Variants in ATG4A observed in about 807,000 individuals in gnomAD.
ATG4A encodes the protein cysteine protease ATG4A.
A neutral mutation model predicts 38.4 loss-of-function variants in ATG4A; 22 were observed. The ratio of observed to expected loss-of-function variants is 0.57; its 90% confidence interval spans 0.41 to 0.82. The LOEUF (loss-of-function observed/expected upper bound fraction) is 0.82. Ranked by LOEUF, ATG4A falls within the 40% of genes least tolerant of loss-of-function variation. ATG4A has a pLI of 0.00. For missense variants in ATG4A, 220 were observed against 290.0 expected, an observed-to-expected ratio of 0.76 and a Z score of 1.75; for synonymous variants, 86 against 100.7, an observed-to-expected ratio of 0.85 and a Z score of 0.88.
chrX:108,123,450 C>T (rs2032711738), intron 1 of ATG4A, among the ~76,000 whole-genome samples: 1 of 112,321 alleles, frequency 8.9e-6, no homozygotes, highest in Non-Finnish European at 1.9e-5. Context: ...TCCCAGATTG[C>T]TTTTTCATAT....
chrX:108,091,800 G>A lies in ATG4A; in HGVS notation c.-27G>A. 1 of 1,211,665 alleles carries A rather than the reference G, an allele frequency of 8.3e-7. No homozygotes were observed. Among genetic ancestry groups the A allele is most frequent in the Non-Finnish European group, 1.1e-6 (1 of 895,289 alleles). ...TCCGTCCGTAGTCAAGTTGCCGGTG[G>A]AATTGGCCCAGGATGACAGCTGGAG... On this transcript the variant is annotated 5_prime_UTR_variant, in exon 1 of 13. Coordinates refer to ENST00000372232, the MANE Select transcript of ATG4A (RefSeq NM_052936.5).
Position 108,109,204 on chromosome X carries a change from G to T in ATG4A, c.11-16873G>T, listed in dbSNP as rs185220694. ...CTATAGTCATCCTAATGGGTGTGAG[G>T]TGAAATCTGATTATGGTTTTGATTT... On this transcript the variant is annotated intron_variant, in intron 1 of 12. Coordinates refer to ENST00000372232, the MANE Select transcript of ATG4A (RefSeq NM_052936.5). 9.8e-5 allele frequency among the ~76,000 whole-genome samples: 11 copies of T among 112,102 alleles called. No individual in the cohort carries two copies. The East Asian group carries it at 3.1e-3, about 31-fold the overall frequency.
chrX:108,142,764 G>A (rs2033335763), intron 9 of ATG4A, among the ~76,000 whole-genome samples: 1 of 110,968 alleles, frequency 9.0e-6, no homozygotes, highest in Non-Finnish European at 1.9e-5. Flanking sequence ...GTTAGATTGT[G>A]CCCACCTGAT....
chrX:108,125,151 T>G (rs2032765262), intron 1 of ATG4A, among the ~76,000 whole-genome samples: 1 of 110,783 alleles, frequency 9.0e-6, no homozygotes, highest in African/African-American at 3.3e-5. Context: ...TCTCAGAAAA[T>G]TATTATTATT....
chrX:108,112,064 G>A (rs2032370132), intron 1 of ATG4A, among the ~76,000 whole-genome samples: 1 of 111,681 alleles, frequency 9.0e-6, no homozygotes, highest in Non-Finnish European at 1.9e-5. Flanking sequence ...GAGATATTTT[G>A]ATATAGGCAC....
chrX:108,104,544 G>A (rs1447066161), intron 1 of ATG4A, among the ~76,000 whole-genome samples: 1 of 110,695 alleles, frequency 9.0e-6, no homozygotes, highest in Non-Finnish European at 1.9e-5. Flanking sequence ...TACATGATAA[G>A]CTGCTTTTCT....
intron 1 of ATG4A, among the ~76,000 whole-genome samples, chrX:108,114,539 C>T (rs762691825): frequency 1.8e-5 from 2 of 112,196 alleles, no homozygotes; most frequent in East Asian, 5.6e-4. Context: ...TAAACTTAGG[C>T]ACATTAAAAT....
At chrX:108,131,528 A>G (rs903367068) in intron 4 of ATG4A, among the ~76,000 whole-genome samples, 170 bp downstream of exon 4, 1 of 112,306 alleles carries the variant, frequency 8.9e-6, no homozygotes, top group Non-Finnish European at 1.9e-5. Context: ...AAAGCCCCTC[A>G]TAAGAAGGAA....
chrX:108,151,871 G>A lies in ATG4A; in HGVS notation c.1017+13G>A. 8.5e-7 allele frequency: 1 copy of A among 1,170,809 alleles called. No individual in the cohort carries two copies. The highest frequency in any genetic ancestry group is 1.2e-6 in the Non-Finnish European group (1 of 867,886). On this transcript the variant is annotated intron_variant, in intron 11 of 12. Coordinates refer to ENST00000372232, the MANE Select transcript of ATG4A (RefSeq NM_052936.5). ...CCTTGTTCAGAAGGTAAAGCTATAT[G>A]TTTTTCTTAGTCTGAAAAATGAAGT... is the stretch of plus-strand genomic sequence containing the variant.
chrX:108,130,280 G>GT (rs1460155376), intron 3 of ATG4A, among the ~76,000 whole-genome samples: 1 of 111,074 alleles, frequency 9.0e-6, no homozygotes, highest in Non-Finnish European at 1.9e-5. Flanking sequence ...CTGAGATCAT[G>GT]TTTAGCATAT....
At chrX:108,122,726 C>A (rs995254471) in intron 1 of ATG4A, among the ~76,000 whole-genome samples, 11 of 112,137 alleles carry the variant, frequency 9.8e-5, no homozygotes, top group Non-Finnish European at 2.1e-4. Context: ...CAGGGCCTTT[C>A]TTTTGGAAAA....
At chrX:108,098,908 T>C (rs891236483) in intron 1 of ATG4A, among the ~76,000 whole-genome samples, 3 of 111,753 alleles carry the variant, frequency 2.7e-5, no homozygotes, top group African/African-American at 9.7e-5. Context: ...CATTTTTAAA[T>C]GTCCAGTTTT....
intron 1 of ATG4A, among the ~76,000 whole-genome samples, chrX:108,115,761 GGA>G (rs2032490251): frequency 8.9e-6 from 1 of 111,986 alleles, no homozygotes; most frequent in Non-Finnish European, 1.9e-5. Context: ...TATAAATCTA[GGA>G]GTAGACTCAC....
chrX:108,123,797 A>G (rs1225064426), intron 1 of ATG4A, among the ~76,000 whole-genome samples: 1 of 111,852 alleles, frequency 8.9e-6, no homozygotes, highest in Non-Finnish European at 1.9e-5. Flanking sequence ...CAAGCTTTAA[A>G]GGGCTTTACT....
At chrX:108,128,600 T>C (rs956596860) in intron 2 of ATG4A, among the ~76,000 whole-genome samples, 181 bp from the exon 3 acceptor site, 5 of 111,811 alleles carry the variant, frequency 4.5e-5, no homozygotes, top group Non-Finnish European at 9.4e-5. Context: ...GGTCAAACTA[T>C]AGGTTGGGAG....
intron 4 of ATG4A, among the ~76,000 whole-genome samples, chrX:108,131,968 C>T (rs1233914243): frequency 9.1e-6 from 1 of 110,410 alleles, no homozygotes; most frequent in African/African-American, 3.3e-5. Context: ...GGTGCGATCT[C>T]GGCTCACTGC....
At chrX:108,127,220 C>T (rs1201452563) in intron 2 of ATG4A, 1 of 112,830 alleles carries the variant, frequency 8.9e-6, no homozygotes, top group African/African-American at 3.3e-5. Flanking sequence ...CAAATCTACT[C>T]GTATTCAAAT....
intron 2 of ATG4A, 78 bp from the exon 3 acceptor site, chrX:108,128,701 TAA>T: frequency 1.6e-6 from 1 of 616,039 alleles, no homozygotes; most frequent in Admixed American, 3.8e-5. Flanking sequence ...TATTTGAAAT[TAA>T]GTTAGTAGCT....
intron 9 of ATG4A, among the ~76,000 whole-genome samples, chrX:108,143,037 G>C (rs1041544299): frequency 9.0e-6 from 1 of 111,724 alleles, no homozygotes; most frequent in African/African-American, 3.3e-5. Context: ...AACTGGAAAC[G>C]CACCAATCCC....
Sources: gnomAD v4.1 joint callset for allele counts (sites outside exome capture counted in the v4.1 genomes callset) on GRCh38, gnomAD v4.1.1 for gene constraint, MANE v1.5 for transcripts, NCBI Gene and HGNC (gene_info 2026-07-23, HGNC 2026-07-21) for gene names.